The following PIP4K2A variants were observed in gnomAD, a reference collection of about 807,000 sequenced individuals.
PIP4K2A encodes phosphatidylinositol-5-phosphate 4-kinase type 2 alpha, also known as phosphatidylinositol 5-phosphate 4-kinase type-2 alpha.
In PIP4K2A, 14 loss-of-function variants were observed where a neutral mutation model predicts 42.9. The ratio of observed to expected loss-of-function variants is 0.33; its 90% CI spans 0.22 to 0.51. PIP4K2A has a LOEUF of 0.51. Among genes scored for constraint, PIP4K2A ranks in the 20% least tolerant of loss-of-function variants. The pLI is 0.97. For synonymous variants in PIP4K2A, 192 were observed against 192.2 expected (o/e 1.00, Z 0.01); for missense variants, 434 against 519.8 (o/e 0.83, Z 1.61).
intron 1 of PIP4K2A, among the ~76,000 whole-genome samples, chr10:22,710,111 T>C (rs1833888506): frequency 6.6e-6 from 1 of 151,322 alleles, no homozygotes; most frequent in African/African-American, 2.4e-5. Flanking sequence ...GGTCTTTGTC[T>C]ATTCCAAAAA....
chr10:22,701,866 T>C (rs985169269), intron 1 of PIP4K2A, among the ~76,000 whole-genome samples: 1 of 152,192 alleles, frequency 6.6e-6, no homozygotes, highest in African/African-American at 2.4e-5. Flanking sequence ...TTTGATGGCC[T>C]CATGGGTTGA....
At chr10:22,707,731 C>A (rs1297863721) in intron 1 of PIP4K2A, among the ~76,000 whole-genome samples, 1 of 152,174 alleles carries the variant, frequency 6.6e-6, no homozygotes, top group African/African-American at 2.4e-5. Context: ...TGTTCCCCCC[C>A]AAGAATTCTT....
chr10:22,637,250 T>C (rs1227205263), intron 1 of PIP4K2A, among the ~76,000 whole-genome samples: 2 of 152,202 alleles, frequency 1.3e-5, no homozygotes, highest in African/African-American at 4.8e-5. Flanking sequence ...TTTGTCAGTA[T>C]GGCTCTTTTC....
intron 1 of PIP4K2A, among the ~76,000 whole-genome samples, chr10:22,708,731 C>A (rs1833862198): frequency 6.6e-6 from 1 of 152,112 alleles, no homozygotes; most frequent in South Asian, 2.1e-4. Flanking sequence ...GATAAATGCA[C>A]AGTCTCAGGC....
chr10:22,602,817 C>G (rs1341004163), intron 3 of PIP4K2A, among the ~76,000 whole-genome samples: 2 of 152,172 alleles, frequency 1.3e-5, no homozygotes, highest in African/African-American at 2.4e-5. Flanking sequence ...ACCTGAGTAG[C>G]TGGGATTACA....
intron 3 of PIP4K2A, among the ~76,000 whole-genome samples, chr10:22,604,346 A>C (rs1837859302): frequency 6.6e-6 from 1 of 152,082 alleles, no homozygotes; most frequent in Admixed American, 6.6e-5. Flanking sequence ...CCACAGACCA[A>C]TACCTACTTT....
At chr10:22,574,801 A>C (rs1305731904) in intron 4 of PIP4K2A, among the ~76,000 whole-genome samples, 1 of 152,180 alleles carries the variant, frequency 6.6e-6, no homozygotes, top group Non-Finnish European at 1.5e-5. Context: ...AAATATAATA[A>C]ATTGAGTTTT....
rs184512208 is a variant in PIP4K2A at position 22,567,967 on chromosome 10, C to T, written c.640-78G>A. ...CACGCAGAAAATATGAAAATGGCTCCAGGCGGAGCAGAGAGCCAGCTCAGC... is the reference window on the plus strand; with the variant it reads ...CACGCAGAAAATATGAAAATGGCTCTAGGCGGAGCAGAGAGCCAGCTCAGC... On this transcript the variant is annotated intron_variant, in intron 5 of 9. Coordinates refer to ENST00000376573, the MANE Select transcript of PIP4K2A (RefSeq NM_005028.5). The T allele has an allele frequency of 3.2e-4, 418 of 1,300,838 alleles. 4 individuals carry two copies. The highest frequency in any genetic ancestry group is 3.0e-3 in the African/African-American group (210 of 68,900). 80.6% of individuals were successfully genotyped at this position (1,300,838 alleles called of 1,614,324 possible).
In PIP4K2A at chr10:22,535,950, C is replaced by T; in HGVS notation, c.*1251G>A. The T allele has an allele frequency of 2.5e-6, 1 of 393,846 alleles. No individual in the cohort carries two copies. Among genetic ancestry groups the T allele is most frequent in the Non-Finnish European group, 4.5e-6 (1 of 223,466 alleles). The allele number at this position is 393,846 out of a possible 1,614,324, so 24.4% of individuals were successfully genotyped here. A position where few individuals can be genotyped will look rare whatever the true frequency, so the allele number is the denominator to read the frequency against. ...TGTCTACCATGTACTTTGACTAAAA[C>T]ACTCACGTAAAAACATGGCTGCAGG... On this transcript the variant is annotated 3_prime_UTR_variant, in exon 10 of 10. Coordinates refer to ENST00000376573, the MANE Select transcript of PIP4K2A (RefSeq NM_005028.5).
At chr10:22,696,436 T>C (rs1334031849) in intron 1 of PIP4K2A, among the ~76,000 whole-genome samples, 1 of 152,186 alleles carries the variant, frequency 6.6e-6, no homozygotes, top group Non-Finnish European at 1.5e-5. Context: ...AAATGGTCTC[T>C]TGATTTGAAG....
intron 4 of PIP4K2A, among the ~76,000 whole-genome samples, chr10:22,581,365 ATTC>A (rs1307680290): frequency 6.6e-6 from 1 of 152,194 alleles, no homozygotes; most frequent in Admixed American, 6.5e-5. Context: ...ATTATCACCA[ATTC>A]TTCTTATACT....
intron 1 of PIP4K2A, among the ~76,000 whole-genome samples, chr10:22,703,171 T>C (rs188500653): frequency 2.5e-3 from 380 of 152,196 alleles, no homozygotes; most frequent in Middle Eastern, 6.8e-3. Flanking sequence ...CTAGGGAGGC[T>C]GAGGCAGGAG....
chr10:22,656,692 G>C (rs1312171611), intron 1 of PIP4K2A, among the ~76,000 whole-genome samples: 2 of 151,860 alleles, frequency 1.3e-5, no homozygotes, highest in Non-Finnish European at 2.9e-5. Context: ...AGCTATTCAG[G>C]AGGCTGAGGC....
chr10:22,556,383 A>T (rs1252910519), intron 6 of PIP4K2A, among the ~76,000 whole-genome samples: 1 of 152,212 alleles, frequency 6.6e-6, no homozygotes, highest in Non-Finnish European at 1.5e-5. Context: ...CCTCACTGAA[A>T]AGACCTTTTG....
At chr10:22,551,364 G>A (rs74587525) in intron 6 of PIP4K2A, among the ~76,000 whole-genome samples, 2,118 of 152,190 alleles carry the variant, frequency 0.014, 36 homozygotes, top group African/African-American at 0.048. Flanking sequence ...CTTCTCATTT[G>A]GACAATATCA....
chr10:22,617,469 CTTAA>C (rs891451818), intron 1 of PIP4K2A, among the ~76,000 whole-genome samples: 4 of 152,174 alleles, frequency 2.6e-5, no homozygotes, highest in Admixed American at 2.6e-4. Context: ...ATTAATGGCA[CTTAA>C]TTAATTCAGA....
chr10:22,552,401 G>A (rs1352360095), intron 6 of PIP4K2A, among the ~76,000 whole-genome samples: 1 of 152,132 alleles, frequency 6.6e-6, no homozygotes, highest in Admixed American at 6.6e-5. Flanking sequence ...TTCACAAAAT[G>A]TCAGGATGCG....
chr10:22,550,323 C>A (rs1035603628), intron 7 of PIP4K2A, among the ~76,000 whole-genome samples: 1 of 152,210 alleles, frequency 6.6e-6, no homozygotes, highest in Non-Finnish European at 1.5e-5. Flanking sequence ...GTCCAGTACT[C>A]CCCTGGCCCC....
chr10:22,642,653 T>C (rs979816973), intron 1 of PIP4K2A, among the ~76,000 whole-genome samples: 3 of 151,142 alleles, frequency 2.0e-5, no homozygotes, highest in Non-Finnish European at 4.4e-5. Flanking sequence ...AACAGATCTA[T>C]AATAGAACAG....
Sources: gnomAD v4.1 joint callset for allele counts (sites outside exome capture counted in the v4.1 genomes callset) on GRCh38, gnomAD v4.1.1 for gene constraint, MANE v1.5 for transcripts, NCBI Gene and HGNC (gene_info 2026-07-23, HGNC 2026-07-21) for gene names.